The following LRBA variants were observed in gnomAD, a reference collection of about 807,000 sequenced individuals.
LRBA encodes the protein lipopolysaccharide-responsive and beige-like anchor protein.
LRBA carries 176 observed loss-of-function variants against 330.0 expected under a neutral mutation model. The observed-to-expected ratio is 0.53, with a 90% CI of 0.47 to 0.60. The LOEUF (loss-of-function observed/expected upper bound fraction) is 0.60, where lower values mean the gene tolerates loss of function less well. Among genes scored for constraint, LRBA ranks in the 20% least tolerant of loss-of-function variants. The pLI is 0.00. For synonymous variants in LRBA, 1,230 were observed against 1,193.0 expected (o/e 1.03, Z -0.64); for missense variants, 3,259 against 3,444.8 (o/e 0.95, Z 1.35).
intron 48 of LRBA, among the ~76,000 whole-genome samples, chr4:150,346,779 A>C (rs954108372): frequency 1.9e-4 from 28 of 143,608 alleles, no homozygotes; most frequent in East Asian, 4.2e-4. Context: ...AAAAAAAAAA[A>C]AAAAAAAACA....
intron 28 of LRBA, among the ~76,000 whole-genome samples, chr4:150,833,605 T>C (rs1747545879): frequency 6.6e-6 from 1 of 152,178 alleles, no homozygotes; most frequent in Admixed American, 6.5e-5. Flanking sequence ...AAAACGCACA[T>C]AATTTAAAAA....
At chr4:150,278,110 G>T in intron 55 of LRBA, 106 bp from the exon 56 acceptor site, 1 of 900,812 alleles carries the variant, frequency 1.1e-6, no homozygotes, top group Non-Finnish European at 1.6e-6. Context: ...GCAGAGAGAA[G>T]AGAGAGAGAT....
At chr4:150,695,991 G>C (rs951204127) in intron 36 of LRBA, among the ~76,000 whole-genome samples, 6 of 152,116 alleles carry the variant, frequency 3.9e-5, no homozygotes, top group Admixed American at 3.9e-4. Flanking sequence ...ACTTAGGGAG[G>C]TCGAGGCCAG....
intron 2 of LRBA, among the ~76,000 whole-genome samples, chr4:151,005,318 G>A (rs190530480): frequency 2.6e-5 from 4 of 151,304 alleles, no homozygotes; most frequent in East Asian, 2.0e-4. Context: ...GGTGGCAGGC[G>A]CCTGTAATCC....
intron 29 of LRBA, among the ~76,000 whole-genome samples, chr4:150,828,922 G>GGTGTGTGTGT (rs753950457): frequency 1.3e-3 from 137 of 106,230 alleles, no homozygotes; most frequent in African/African-American, 3.5e-3. Flanking sequence ...CTTTTTTGGG[G>GGTGTGTGTGT]GTGTGTGTGT....
chr4:150,979,552 A>G (rs1054641126), intron 2 of LRBA, among the ~76,000 whole-genome samples: 8 of 152,230 alleles, frequency 5.3e-5, no homozygotes, highest in South Asian at 2.1e-4. Context: ...CTAAAAGATG[A>G]ACACAGACAC....
At chr4:150,660,242 C>T (rs1255309555) in intron 37 of LRBA, among the ~76,000 whole-genome samples, 3 of 6,448 alleles carry the variant, frequency 4.7e-4, no homozygotes, top group Non-Finnish European at 1.4e-3. Context: ...CCGCCCCGTC[C>T]GGGAGGGAGG....
At chr4:150,967,031 TA>T (rs1426258895) in intron 2 of LRBA, among the ~76,000 whole-genome samples, 2 of 152,228 alleles carry the variant, frequency 1.3e-5, no homozygotes, top group Non-Finnish European at 2.9e-5. Flanking sequence ...ATTTACTCCA[TA>T]AACTTAAAAT....
At chr4:150,361,324 G>T (rs1738660721) in intron 47 of LRBA, among the ~76,000 whole-genome samples, 1 of 152,108 alleles carries the variant, frequency 6.6e-6, no homozygotes, top group Non-Finnish European at 1.5e-5. Flanking sequence ...GCAATATGAG[G>T]TCAACAATAG....
intron 37 of LRBA, among the ~76,000 whole-genome samples, chr4:150,602,266 T>A (rs755308187): frequency 2.0e-5 from 3 of 152,206 alleles, no homozygotes; most frequent in Non-Finnish European, 4.4e-5. Context: ...TATAAAGCAC[T>A]GCTCCAGGTG....
chr4:150,268,371 CCTT>C (rs1745639795), intron 56 of LRBA, among the ~76,000 whole-genome samples: 1 of 152,226 alleles, frequency 6.6e-6, no homozygotes, highest in African/African-American at 2.4e-5. Context: ...TAACACCAAT[CCTT>C]CTCAATTTCT....
chr4:150,786,729 C>T (rs776748293), intron 34 of LRBA, among the ~76,000 whole-genome samples: 14 of 152,172 alleles, frequency 9.2e-5, no homozygotes, highest in Non-Finnish European at 1.9e-4. Flanking sequence ...AAACCCTAGT[C>T]TCCAAATTTT....
chr4:150,597,543 T>A (rs1773643879), intron 38 of LRBA, among the ~76,000 whole-genome samples: 1 of 151,918 alleles, frequency 6.6e-6, no homozygotes, highest in African/African-American at 2.4e-5. Flanking sequence ...CATATTGCCA[T>A]GTATAGATCT....
At chr4:150,923,956 T>C (rs369505230) in intron 4 of LRBA, among the ~76,000 whole-genome samples, 1 of 152,212 alleles carries the variant, frequency 6.6e-6, no homozygotes, top group Non-Finnish European at 1.5e-5. Context: ...TTAACCATAC[T>C]GCTCAATTGT....
intron 2 of LRBA, among the ~76,000 whole-genome samples, chr4:151,012,248 G>A (rs977006392): frequency 2.0e-5 from 3 of 152,150 alleles, no homozygotes; most frequent in African/African-American, 7.2e-5. Context: ...ACAGTTCTAG[G>A]AAGCGTATAA....
At chr4:150,718,076 A>G (rs1728467614) in intron 36 of LRBA, among the ~76,000 whole-genome samples, 1 of 152,200 alleles carries the variant, frequency 6.6e-6, no homozygotes. Context: ...ATGTTTCTGC[A>G]TGACATAATT....
chr4:150,679,146 C>A (rs1782832091), intron 37 of LRBA, among the ~76,000 whole-genome samples: 1 of 152,092 alleles, frequency 6.6e-6, no homozygotes, highest in Admixed American at 6.6e-5. Flanking sequence ...AACAATCTTT[C>A]CTTAGGCTTA....
At chr4:150,932,711 T>G (rs1579244921) in intron 2 of LRBA, among the ~76,000 whole-genome samples, 2 of 151,486 alleles carry the variant, frequency 1.3e-5, no homozygotes, top group Admixed American at 1.3e-4. Flanking sequence ...AGCGCAGGAG[T>G]TTAAGATGAG....
intron 44 of LRBA, among the ~76,000 whole-genome samples, chr4:150,454,077 C>G (rs1753738389): frequency 6.6e-6 from 1 of 152,122 alleles, no homozygotes. Context: ...TCTACTGCCT[C>G]AGCCTCCCAA....
Sources: gnomAD v4.1 joint callset for allele counts (sites outside exome capture counted in the v4.1 genomes callset) on GRCh38, gnomAD v4.1.1 for gene constraint, MANE v1.5 for transcripts, NCBI Gene and HGNC (gene_info 2026-07-23, HGNC 2026-07-21) for gene names.